The following RNF111 variants were observed in gnomAD, a reference collection of about 807,000 sequenced individuals.
RNF111 encodes ring finger protein 111.
In RNF111, 17 loss-of-function variants were observed where a neutral mutation model predicts 95.1. That is an observed-to-expected ratio of 0.18 (90% CI 0.12 to 0.27). RNF111 has a LOEUF of 0.27. Among genes scored for constraint, RNF111 ranks in the 10% least tolerant of loss-of-function variants. The pLI is 1.00. For missense variants in RNF111, 1,189 were observed against 1,210.4 expected (o/e 0.98, Z 0.26); for synonymous variants, 440 against 414.8 (o/e 1.06, Z -0.74).
At chr15:59,034,976 A>AAG (rs2041100907) in intron 2 of RNF111, among the ~76,000 whole-genome samples, 3 of 152,308 alleles carry the variant, frequency 2.0e-5, no homozygotes, top group Admixed American at 2.0e-4. Flanking sequence ...TTATAAAGGA[A>AAG]AGGGGTTTAA....
intron 4 of RNF111, among the ~76,000 whole-genome samples, chr15:59,057,717 A>G (rs2042255982): frequency 6.6e-6 from 1 of 152,162 alleles, no homozygotes. Flanking sequence ...ATAAAAAGGC[A>G]TGGAAAGGAG....
intron 10 of RNF111, among the ~76,000 whole-genome samples, chr15:59,087,887 GT>G (rs1295232642): frequency 6.6e-6 from 1 of 152,206 alleles, no homozygotes; most frequent in Admixed American, 6.5e-5. Context: ...TGGCAGTAGA[GT>G]GGTTATTGGT....
At chr15:59,049,527 C>A in intron 2 of RNF111, 1 of 184,912 alleles carries the variant, frequency 5.4e-6, no homozygotes, top group Non-Finnish European at 1.1e-5. Context: ...TCTTTGGCTT[C>A]CTTCTTTTTC....
chr15:59,049,917 T>G (rs2041903879), intron 2 of RNF111, among the ~76,000 whole-genome samples: 3 of 151,180 alleles, frequency 2.0e-5, no homozygotes. Flanking sequence ...AATTTTTGTG[T>G]TTTTAGTAGA....
chr15:59,074,071 T>C (rs1211654018), intron 6 of RNF111, among the ~76,000 whole-genome samples: 5 of 152,362 alleles, frequency 3.3e-5, no homozygotes, highest in African/African-American at 1.2e-4. Flanking sequence ...ATTTTTTTCT[T>C]AGTAGTGGGT....
At chr15:59,054,983 A>G (rs1450579262) in intron 3 of RNF111, among the ~76,000 whole-genome samples, 1 of 152,256 alleles carries the variant, frequency 6.6e-6, no homozygotes, top group Non-Finnish European at 1.5e-5. Context: ...CCAAATCATT[A>G]TAGTGAGTCC....
chr15:59,060,307 T>TAA (rs552139530), intron 5 of RNF111, among the ~76,000 whole-genome samples: 2 of 146,082 alleles, frequency 1.4e-5, no homozygotes, highest in Non-Finnish European at 3.0e-5. Flanking sequence ...TTTTAATTCT[T>TAA]AAAAAAAAAA....
chr15:59,047,465 A>C (rs2041766596), intron 2 of RNF111, among the ~76,000 whole-genome samples: 1 of 152,196 alleles, frequency 6.6e-6, no homozygotes, highest in African/African-American at 2.4e-5. Flanking sequence ...ATTGTACTCC[A>C]GCCTGGGCAT....
chr15:59,064,921 C>G (rs1429160378), intron 5 of RNF111, among the ~76,000 whole-genome samples: 1 of 151,904 alleles, frequency 6.6e-6, no homozygotes, highest in Non-Finnish European at 1.5e-5. Context: ...GCCTGAAGCA[C>G]CCCCCTACCC....
intron 2 of RNF111, among the ~76,000 whole-genome samples, chr15:59,051,351 G>A (rs1363927246): frequency 1.3e-5 from 2 of 151,954 alleles, no homozygotes; most frequent in Non-Finnish European, 2.9e-5. Context: ...CTAGCTACTC[G>A]GGAGGCTGAG....
intron 2 of RNF111, among the ~76,000 whole-genome samples, chr15:59,032,700 C>T (rs1036528670): frequency 1.3e-5 from 2 of 152,212 alleles, no homozygotes; most frequent in East Asian, 1.9e-4. Context: ...TCTTTAAGTA[C>T]TATATTCTTG....
chr15:59,034,300 A>T (rs1436734734), intron 2 of RNF111, among the ~76,000 whole-genome samples: 1 of 152,140 alleles, frequency 6.6e-6, no homozygotes, highest in African/African-American at 2.4e-5. Flanking sequence ...GTGTATCTTA[A>T]GGAATAATTA....
At chr15:58,990,237 T>C (rs1330406423) in intron 1 of RNF111, among the ~76,000 whole-genome samples, 1 of 152,234 alleles carries the variant, frequency 6.6e-6, no homozygotes, top group African/African-American at 2.4e-5. Context: ...AGGTCCCAAA[T>C]TTAATGGTTT....
At chr15:59,014,807 G>A (rs2039991167) in intron 1 of RNF111, among the ~76,000 whole-genome samples, 1 of 151,248 alleles carries the variant, frequency 6.6e-6, no homozygotes, top group Non-Finnish European at 1.5e-5. Context: ...ACCACCTGGA[G>A]TGCAGTGGCA....
intron 8 of RNF111, 53 bp downstream of exon 8, chr15:59,081,337 C>T: frequency 6.8e-7 from 1 of 1,460,406 alleles, no homozygotes. Context: ...CTTCTACTTC[C>T]ATTGGTCTTT....
chr15:59,015,242 T>C (rs901899553), intron 1 of RNF111, among the ~76,000 whole-genome samples: 15 of 152,216 alleles, frequency 9.9e-5, no homozygotes, highest in Admixed American at 9.2e-4. Context: ...AAGTCACTTA[T>C]GTTTTCCTTA....
At chr15:59,067,603 A>G (rs368039482) in intron 6 of RNF111, among the ~76,000 whole-genome samples, 3 of 152,194 alleles carry the variant, frequency 2.0e-5, no homozygotes, top group East Asian at 1.9e-4. Context: ...CTAAATTATT[A>G]CAACTAATTG....
In RNF111 at chr15:59,096,371, T is replaced by G; in HGVS notation, c.*1471T>G. 3.3e-6 allele frequency: 1 copy of G among 301,802 alleles called. No homozygotes were observed. The highest frequency in any genetic ancestry group is 9.0e-4 in the Middle Eastern group (1 of 1,108). 18.7% of individuals were successfully genotyped at this position (301,802 alleles called of 1,614,324 possible). ...TCATATGTGAAGATGTCAATAAGCT[T>G]GCATTAAGCCACCTGCTTTGTAAGT... On this transcript the variant is annotated 3_prime_UTR_variant, in exon 14 of 14. Coordinates refer to ENST00000348370, the MANE Select transcript of RNF111 (RefSeq NM_017610.8).
chr15:59,059,142 A>C (rs2042325322), intron 5 of RNF111, among the ~76,000 whole-genome samples: 1 of 152,148 alleles, frequency 6.6e-6, no homozygotes, highest in Non-Finnish European at 1.5e-5. Flanking sequence ...AAAAGTAAAA[A>C]GAAACAAACA....
Sources: gnomAD v4.1 joint callset for allele counts (sites outside exome capture counted in the v4.1 genomes callset) on GRCh38, gnomAD v4.1.1 for gene constraint, MANE v1.5 for transcripts, NCBI Gene and HGNC (gene_info 2026-07-23, HGNC 2026-07-21) for gene names.